CEP192: variants seen among roughly 807,000 people sequenced by gnomAD.
CEP192 encodes the protein centrosomal protein 192.
Under a neutral mutation model 271.8 loss-of-function variants are expected in CEP192, and 151 were observed. That is an observed-to-expected ratio of 0.56 (90% CI 0.49 to 0.64). CEP192 has a LOEUF of 0.64. CEP192 is among the 30% of genes least tolerant of loss of function. The pLI is 0.00. For synonymous variants in CEP192, 995 were observed against 1,076.5 expected (o/e 0.92, Z 1.48); for missense variants, 2,910 against 3,020.5 (o/e 0.96, Z 0.86).
At chr18:13,070,659 A>G (rs575369636) in intron 27 of CEP192, among the ~76,000 whole-genome samples, 1 of 152,280 alleles carries the variant, frequency 6.6e-6, no homozygotes, top group South Asian at 2.1e-4. Flanking sequence ...GTTATAGAAC[A>G]CTTTATCGTG....
At chr18:13,034,536 A>G (rs576033419) in intron 11 of CEP192, among the ~76,000 whole-genome samples, 2 of 152,160 alleles carry the variant, frequency 1.3e-5, no homozygotes, top group Non-Finnish European at 2.9e-5. Context: ...GGCCGGGCGC[A>G]GTGGCTTACG....
At chr18:13,084,991 G>GTTT (rs76648576) in intron 30 of CEP192, among the ~76,000 whole-genome samples, 1 of 141,464 alleles carries the variant, frequency 7.1e-6, no homozygotes, top group Admixed American at 7.1e-5. Context: ...AATTTTTTGG[G>GTTT]TTTTTTTTTT....
chr18:13,083,004 G>A (rs1422191795), intron 30 of CEP192, among the ~76,000 whole-genome samples: 2 of 152,176 alleles, frequency 1.3e-5, no homozygotes, highest in East Asian at 1.9e-4. Flanking sequence ...TTAGTCTGAT[G>A]TGCTTCCCTT....
rs185005215 is a variant in CEP192, at chr18:13,123,412, T to C, written c.7476-1220T>C. ...CATACACTATTTGTGTTATCAGTTA[T>C]ATCCAGGAAAAGGGCTTTGAAATAC... On this transcript the variant is annotated intron_variant, in intron 44 of 44. Transcript: ENST00000506447. Among the ~76,000 whole-genome samples, 4 of 152,342 alleles carry C rather than the reference T, an allele frequency of 2.6e-5. No homozygotes were observed. The East Asian group carries it at 5.8e-4, about 22-fold the overall frequency.
Position 13,102,559 on chromosome 18 carries a change from A to G in CEP192, c.6872-950A>G, listed in dbSNP as rs140111857. ...CCCGGAACCCCGTCCTGTGAAGGTC[A>G]CTTAAGAGCTCCATGTGCCAAATCC... On this transcript the variant is annotated intron_variant, in intron 38 of 44. Transcript: ENST00000506447. 8.9e-4 allele frequency among the ~76,000 whole-genome samples: 135 copies of G among 152,162 alleles called. 2 individuals carry two copies. Among genetic ancestry groups the G allele is most frequent in the African/African-American group, 3.2e-3 (131 of 41,536 alleles).
At chr18:13,107,882 C>T (rs62095834) in intron 40 of CEP192, among the ~76,000 whole-genome samples, 1 of 80,098 alleles carries the variant, frequency 1.2e-5, no homozygotes, top group East Asian at 4.5e-4. Context: ...GATAGTATCT[C>T]CAAAAAAAAA....
At chr18:13,075,781 A>T (rs1399040385) in intron 30 of CEP192, among the ~76,000 whole-genome samples, 3 of 152,202 alleles carry the variant, frequency 2.0e-5, no homozygotes, top group Non-Finnish European at 2.9e-5. Context: ...CATTTTGCAC[A>T]TGTGTAAACT....
At position 12,992,317 on chromosome 18, in the gene CEP192, C is replaced by A. The variant is rs549433714; in HGVS notation, c.-5+880C>A. On this transcript the variant is annotated intron_variant, in intron 1 of 44. Coordinates refer to ENST00000506447, the MANE Select transcript of CEP192 (RefSeq NM_032142.4). ...TAGTTTTAAAGTATATCTTAAAGTG[C>A]CAAGAGTAAATGATGAGTTTTGGGG... 5.3e-5 allele frequency among the ~76,000 whole-genome samples: 8 copies of A among 152,208 alleles called. No homozygotes were observed. The East Asian group carries it at 1.5e-3, about 29-fold the overall frequency.
intron 3 of CEP192, among the ~76,000 whole-genome samples, chr18:13,005,538 G>A (rs2033928487): frequency 6.6e-6 from 1 of 152,234 alleles, no homozygotes; most frequent in African/African-American, 2.4e-5. Flanking sequence ...GAGGCCAGGA[G>A]CTCTGGAAAC....
At position 13,056,156 on chromosome 18, in the gene CEP192, G is replaced by A. The variant is rs148689929; in HGVS notation, c.3566G>A (p.Cys1189Tyr). ...VGSATSHPVS[C>Y]QEPIDEDQRI... The stretch of plus-strand genomic sequence containing the variant: ...TCAGCCACATCACACCCTGTGTCCT[G>A]CCAGGAGCCTATAGATGAAGATCAA... The change falls in exon 19 of 45, where the codon TGC (cysteine) becomes TAC (tyrosine). Residue 1189 changes from cysteine (C) to tyrosine (Y), a missense_variant. Coordinates refer to ENST00000506447, the MANE Select transcript of CEP192 (RefSeq NM_032142.4). 1.9e-4 allele frequency: 309 copies of A among 1,613,692 alleles called. No individual in the cohort carries two copies. In the African/African-American group the frequency reaches 3.5e-3, roughly 18 times the overall value.
chr18:13,031,243 GTT>G (rs60557979), intron 11 of CEP192, among the ~76,000 whole-genome samples: 11 of 101,652 alleles, frequency 1.1e-4, no homozygotes, highest in South Asian at 3.5e-4. Flanking sequence ...CCTTATTGTT[GTT>G]TTTTTTTTTT....
chr18:13,100,749 C>T (rs2039666964), intron 38 of CEP192, among the ~76,000 whole-genome samples: 1 of 152,142 alleles, frequency 6.6e-6, no homozygotes, highest in South Asian at 2.1e-4. Context: ...ATTTGATGGT[C>T]AGAACCTTTC....
In CEP192 at chr18:13,056,852, G is replaced by A. The variant is rs576450487; in HGVS notation, c.4108+154G>A. On this transcript the variant is annotated intron_variant, in intron 19 of 44. Transcript: ENST00000506447. Reference sequence around the variant, plus strand: ...GAGAACACCGTGTATTTCTGTGCAAGCGTCCCTAAAGTTGGCTTAGAAAAA... The same window carrying A: ...GAGAACACCGTGTATTTCTGTGCAAACGTCCCTAAAGTTGGCTTAGAAAAA... Among the ~76,000 whole-genome samples the A allele has an allele frequency of 3.3e-5, 5 of 152,342 alleles. No individual in the cohort carries two copies. The East Asian group carries it at 9.6e-4, about 29-fold the overall frequency.
intron 7 of CEP192, among the ~76,000 whole-genome samples, chr18:13,017,599 T>G (rs2143120470): frequency 6.6e-6 from 1 of 152,330 alleles, no homozygotes; most frequent in South Asian, 2.1e-4. Context: ...GTTTGCCACC[T>G]TTGCATTTTC....
At chr18:13,041,918 A>C (rs1209298671) in intron 14 of CEP192, among the ~76,000 whole-genome samples, 1 of 152,224 alleles carries the variant, frequency 6.6e-6, no homozygotes. Flanking sequence ...AAATGTTTCA[A>C]GCTGAAAAAT....
At chr18:13,006,160 C>CT (rs928048563) in intron 3 of CEP192, among the ~76,000 whole-genome samples, 1 of 151,092 alleles carries the variant, frequency 6.6e-6, no homozygotes, top group Non-Finnish European at 1.5e-5. Context: ...TTTTTTTTTC[C>CT]TTTTTTTCTG....
In CEP192 at chr18:13,124,644, C is replaced by T; in HGVS notation, c.7488C>T (p.Tyr2496=). The change falls in exon 45 of 45, where the codon TAC becomes TAT. Residue 2496 remains tyrosine (Y), a synonymous_variant. Coordinates refer to ENST00000506447, the MANE Select transcript of CEP192 (RefSeq NM_032142.4). ...HSKYSLRAQH[Y]INMPVQFKPK... ...TCTCTCTTTCCAGAGCCCAGCATTA[C>T]ATCAACATGCCCGTGCAGTTCAAAC... 1.2e-6 allele frequency: 2 copies of T among 1,613,122 alleles called. No homozygotes were observed. Among genetic ancestry groups the T allele is most frequent in the African/African-American group, 2.7e-5 (2 of 75,028 alleles).
intron 37 of CEP192, 93 bp from the exon 38 acceptor site, chr18:13,100,212 A>G: frequency 1.2e-6 from 1 of 823,858 alleles, no homozygotes; most frequent in Non-Finnish European, 2.0e-6. Context: ...TTTGTTTGGC[A>G]TTTCTTTTCT....
Position 13,114,136 on chromosome 18 carries a change from G to A in CEP192, c.7174G>A (p.Glu2392Lys), listed in dbSNP as rs1298184979. The change falls in exon 42 of 45, where the codon GAA becomes AAA. Residue 2392 changes from glutamate to lysine, a missense_variant. Transcript: ENST00000506447. ...CTGTGATTTTTCTGTATAGAGCATC[G>A]AAGCAGAAAATGAGCCTGAAAACGC... ...LRFQLSGQSI[E>K]AENEPENACL... is the part of the protein sequence containing the mutation. 2 of 1,612,640 alleles carry A rather than the reference G, an allele frequency of 1.2e-6. No homozygotes were observed. The highest frequency in any genetic ancestry group is 1.7e-6 in the Non-Finnish European group (2 of 1,179,626).
Sources: gnomAD v4.1 joint callset for allele counts (sites outside exome capture counted in the v4.1 genomes callset) on GRCh38, gnomAD v4.1.1 for gene constraint, MANE v1.5 for transcripts, NCBI Gene and HGNC (gene_info 2026-07-23, HGNC 2026-07-21) for gene names.